The following CHRNE variants were observed in gnomAD, a reference collection of about 807,000 sequenced individuals.
The protein encoded by CHRNE is cholinergic receptor nicotinic epsilon subunit.
A neutral mutation model predicts 56.5 loss-of-function variants in CHRNE; 58 were observed. The observed-to-expected ratio is 1.03, with a 90% CI of 0.83 to 1.28. CHRNE has a LOEUF of 1.28. Ranked by LOEUF, CHRNE falls within the 50% of genes most tolerant of loss-of-function variation. The pLI is 0.00. For synonymous variants in CHRNE, 385 were observed against 297.9 expected (o/e 1.29, Z -3.01); for missense variants, 793 against 688.9 (o/e 1.15, Z -1.69).
rs1969798835 is a variant in CHRNE, at chr17:4,898,430, C to G, written c.*306G>C. 2.1e-6 allele frequency: 1 copy of G among 473,510 alleles called. No individual in the cohort carries two copies. Among genetic ancestry groups the G allele is most frequent in the African/African-American group, 2.0e-5 (1 of 51,152 alleles). 29.3% of individuals were successfully genotyped at this position (473,510 alleles called of 1,614,324 possible). On this transcript the variant is annotated 3_prime_UTR_variant, in exon 12 of 12. Coordinates refer to ENST00000649488, the MANE Select transcript of CHRNE (RefSeq NM_000080.4). ...AGATAGATAGCTCACAAGCTGGCAG[C>G]CACCAGAGTCCCGTGGGGCTGAGCC...
chr17:4,906,489 A>G (rs964658783), upstream of CHRNE, among the ~76,000 whole-genome samples: 9 of 152,216 alleles, frequency 5.9e-5, no homozygotes, highest in South Asian at 8.3e-4. Flanking sequence ...TGATTATGAG[A>G]AAAAAAATCT....
In CHRNE at chr17:4,898,455, C is replaced by T. The variant is rs1020789164; in HGVS notation, c.*281G>A. 1.5e-5 allele frequency: 8 copies of T among 520,696 alleles called. No individual in the cohort carries two copies. The highest frequency in any genetic ancestry group is 1.1e-3 in the Middle Eastern group (2 of 1,898). The allele number at this position is 520,696 out of a possible 1,614,324, so 32.3% of individuals were successfully genotyped here. A position where few individuals can be genotyped will look rare whatever the true frequency, so the allele number is the denominator to read the frequency against. ...CCACCAGAGTCCCGTGGGGCTGAGC[C>T]TTAGAAAGGCTGGGAGGTCAGCAAG... On this transcript the variant is annotated 3_prime_UTR_variant, in exon 12 of 12. Transcript: ENST00000649488.
upstream of CHRNE, among the ~76,000 whole-genome samples, chr17:4,904,517 G>C (rs999446092): frequency 6.6e-6 from 1 of 152,130 alleles, no homozygotes; most frequent in Non-Finnish European, 1.5e-5. Flanking sequence ...GGTGTTCCTC[G>C]TGAGGTAGGA....
At chr17:4,900,065 C>A in intron 8 of CHRNE, 1 of 1,551,160 alleles carries the variant, frequency 6.4e-7, no homozygotes, top group Non-Finnish European at 8.7e-7. Context: ...GGGGATGCTG[C>A]CTGCCCCGAA....
At position 4,902,239 on chromosome 17, in the gene CHRNE, G is replaced by A; in HGVS notation, c.322C>T (p.Pro108Ser). The A allele has an allele frequency of 6.2e-7, 1 of 1,614,062 alleles. No individual in the cohort carries two copies. Among genetic ancestry groups the A allele is most frequent in the South Asian group, 1.1e-5 (1 of 91,074 alleles). The change falls in exon 4 of 12, where the codon CCA becomes TCA. Residue 108 changes from proline to serine, a missense_variant. Physicochemically the swap from Pro to Ser is moderately conservative, Grantham distance 74 (BLOSUM62 -1). Transcript: ENST00000649488. This position sits in a 1 kb window ranked among gnomAD's most constrained non-coding sequence, Gnocchi z 4.0. ...LRVPSELVWL[P>S]EIVLENNIDG... ...CACTTGTTTTCCAGCACAATCTCTG[G>A]CAGCCACACGAGTTCTGAAGGGACT... is the stretch of plus-strand genomic sequence containing the variant.
rs1969747225 is a variant in CHRNE at position 4,897,957 on chromosome 17, G to C, written c.*779C>G. 6.9e-6 allele frequency: 1 copy of C among 145,956 alleles called. No homozygotes were observed. Among genetic ancestry groups the C allele is most frequent in the Non-Finnish European group, 1.5e-5 (1 of 68,064 alleles). 9.0% of individuals were successfully genotyped at this position (145,956 alleles called of 1,614,324 possible). ...CGCCCCTTGCTTGCATCTGTATATA[G>C]TGTGAGCAGCAAGTAACCCTTCTCC... On this transcript the variant is annotated 3_prime_UTR_variant, in exon 12 of 12. Coordinates refer to ENST00000649488, the MANE Select transcript of CHRNE (RefSeq NM_000080.4).
rs1344473749 is a variant in CHRNE, at chr17:4,901,090, G to A, written c.702C>T (p.Leu234=). Residue 234 remains leucine (L), a synonymous_variant, in exon 7 of 12, where the codon CTC becomes CTT. Coordinates refer to ENST00000649488, the MANE Select transcript of CHRNE (RefSeq NM_000080.4). The part of the protein sequence containing the change: ...GPGETDVIYS[L]IIRRKPLFYV... ...AGAAGAGCGGCTTCCGGCGGATGAT[G>A]AGCGAGTAGATGACGTCAGTCTCCC... 6.2e-7 allele frequency: 1 copy of A among 1,613,768 alleles called. No individual in the cohort carries two copies. The highest frequency in any genetic ancestry group is 1.7e-5 in the Admixed American group (1 of 60,024).
chr17:4,900,784 C>T lies in CHRNE; in HGVS notation c.917+9G>A, dbSNP rs754325287. ...ACTGGCCACACCCCCGCGGGGGCTC[C>T]GGCTTCACCTGCCCAGGAGCGGCAC... On this transcript the variant is annotated intron_variant, in intron 8 of 11. Transcript: ENST00000649488. The T allele has an allele frequency of 4.3e-6, 7 of 1,611,728 alleles. No homozygotes were observed. The East Asian group carries it at 8.9e-5, about 21-fold the overall frequency.
Position 4,899,351 on chromosome 17 carries a change from A to G in CHRNE, c.1066T>C (p.Ser356Pro), listed in dbSNP as rs954120463. ...CGGGGGGCCTCGGGCGGCGGCGGGG[A>G]GCCCAGGAGGCGCGGCAGCAGCTCC... ...LLELLPRLLG[S>P]PPPPEAPRAA... The change falls in exon 10 of 12, where the codon TCC becomes CCC. Residue 356 changes from serine (S) to proline (P), a missense_variant. Coordinates refer to ENST00000649488, the MANE Select transcript of CHRNE (RefSeq NM_000080.4). The G allele has an allele frequency of 1.9e-6, 3 of 1,540,244 alleles. No individual in the cohort carries two copies. In the African/African-American group the frequency reaches 4.1e-5, roughly 21 times the overall value.
At chr17:4,908,259 G>C (rs757519674) in intron 1 of CHRNE, among the ~76,000 whole-genome samples, 1 of 152,230 alleles carries the variant, frequency 6.6e-6, no homozygotes, top group Non-Finnish European at 1.5e-5. Flanking sequence ...ACAGTGAGTA[G>C]AAATCCTCAT....
At chr17:4,906,340 C>T (rs1291084261), upstream of CHRNE, among the ~76,000 whole-genome samples, 1 of 152,162 alleles carries the variant, frequency 6.6e-6, no homozygotes, top group Admixed American at 6.6e-5. Context: ...GCTCCCAAAA[C>T]GGCCTGCCAG....
chr17:4,907,285 C>T (rs993588136), upstream of CHRNE, among the ~76,000 whole-genome samples: 11 of 152,032 alleles, frequency 7.2e-5, no homozygotes, highest in African/African-American at 1.7e-4. Flanking sequence ...CACTCCGGGC[C>T]GGGCGCGGGG....
Position 4,899,467 on chromosome 17 carries a change from C to G in CHRNE, c.1032+1G>C. The G allele has an allele frequency of 6.3e-7, 1 of 1,587,060 alleles. No individual in the cohort carries two copies. Among genetic ancestry groups the G allele is most frequent in the South Asian group, 1.2e-5 (1 of 86,954 alleles). The stretch of plus-strand genomic sequence containing the variant: ...GGCTGCACCGCCCCCTCCGCGCTTA[C>G]GTGGCGCAGCCGCGGGGACATGGCG... On this transcript the variant is annotated splice_donor_variant, in intron 9 of 11. Coordinates refer to ENST00000649488, the MANE Select transcript of CHRNE (RefSeq NM_000080.4). LOFTEE classifies it high-confidence loss of function.
At chr17:4,904,717 T>G (rs2151100158), upstream of CHRNE, among the ~76,000 whole-genome samples, 1 of 152,362 alleles carries the variant, frequency 6.6e-6, no homozygotes, top group East Asian at 1.9e-4. Context: ...GTGTTTATTT[T>G]ACCCTTCACA....
In CHRNE at chr17:4,902,873, G is replaced by T. The variant is rs962851900; in HGVS notation, c.47-110C>A. 16 of 1,581,862 alleles carry T rather than the reference G, an allele frequency of 1.0e-5. No individual in the cohort carries two copies. The highest frequency in any genetic ancestry group is 1.3e-5 in the Non-Finnish European group (15 of 1,151,968). The stretch of plus-strand genomic sequence containing the variant: ...AGGCCTCTGAGGCTGTGTACTATCA[G>T]TATCTGTCTCCTAAACCAATTATGC... On this transcript the variant is annotated intron_variant, in intron 1 of 11. Coordinates refer to ENST00000649488, the MANE Select transcript of CHRNE (RefSeq NM_000080.4). The surrounding 1 kb of genome is among the most constrained non-coding windows in gnomAD (Gnocchi z 4.0).
intron 11 of CHRNE, 27 bp from the exon 12 acceptor site, chr17:4,898,918 A>G: frequency 6.4e-7 from 1 of 1,569,550 alleles, no homozygotes. Context: ...ACAGTCAGTA[A>G]AGAGGCAGCT....
chr17:4,899,146 C>T (rs1969843053), intron 10 of CHRNE, 39 bp from the exon 11 acceptor site: 19 of 1,597,810 alleles, frequency 1.2e-5, no homozygotes, highest in Non-Finnish European at 1.5e-5. Context: ...TAGGAGCCTC[C>T]CCCCTGGCAG....
In CHRNE at chr17:4,900,811, C is replaced by T. The variant is rs776585678; in HGVS notation, c.899G>A (p.Ser300Asn). 1.9e-6 allele frequency: 3 copies of T among 1,614,044 alleles called. No individual in the cohort carries two copies. The highest frequency in any genetic ancestry group is 2.2e-5 in the South Asian group (2 of 91,084). The change falls in exon 8 of 12, where the codon AGC (serine) becomes AAC (asparagine). Residue 300 changes from serine to asparagine, a missense_variant. Transcript: ENST00000649488. ...IAQKIPETSLSVPLLGRFLIF... is the reference protein window; with the variant it reads ...IAQKIPETSLNVPLLGRFLIF... The stretch of plus-strand genomic sequence containing the variant: ...GCTTCACCTGCCCAGGAGCGGCACG[C>T]TCAGAGAAGTCTCTGGGATTTTCTG...
upstream of CHRNE, among the ~76,000 whole-genome samples, chr17:4,908,080 G>A (rs1970113879): frequency 6.6e-6 from 1 of 152,134 alleles, no homozygotes; most frequent in African/African-American, 2.4e-5. Context: ...TGAGGCAGGA[G>A]AATCCCCTTG....
Sources: allele counts gnomAD v4.1 joint callset (sites outside exome capture counted in the v4.1 genomes callset), GRCh38; gene constraint gnomAD v4.1.1; non-coding constraint Gnocchi (gnomAD v3.1); transcripts MANE v1.5; gene names NCBI Gene and HGNC (gene_info 2026-07-23, HGNC 2026-07-21).